Variants in IL1RAPL1 observed in about 807,000 individuals in gnomAD.
The protein encoded by IL1RAPL1 is interleukin-1 receptor accessory protein-like 1.
In IL1RAPL1, 3 loss-of-function variants were observed where a neutral mutation model predicts 48.4. That is an observed-to-expected ratio of 0.06 (90% CI 0.03 to 0.16). The LOEUF (loss-of-function observed/expected upper bound fraction) is 0.16. Ranked by LOEUF, IL1RAPL1 falls within the 10% of genes least tolerant of loss-of-function variation. The pLI, the probability that IL1RAPL1 is intolerant of heterozygous loss-of-function variation, is 1.00. For synonymous variants in IL1RAPL1, 185 were observed against 187.7 expected (o/e 0.99, Z 0.12); for missense variants, 349 against 530.6 (o/e 0.66, Z 3.36).
chrX:29,101,203 C>T (rs1238203542), intron 2 of IL1RAPL1, among the ~76,000 whole-genome samples: 1 of 111,797 alleles, frequency 8.9e-6, no homozygotes, highest in Non-Finnish European at 1.9e-5. Context: ...TTCAAATGAC[C>T]ATTAGAGGCT....
intron 2 of IL1RAPL1, among the ~76,000 whole-genome samples, chrX:29,060,476 T>G (rs909635692): frequency 1.8e-5 from 2 of 112,039 alleles, no homozygotes; most frequent in African/African-American, 6.5e-5. Context: ...AGGAAGGCTT[T>G]TGTTAGAATT....
intron 2 of IL1RAPL1, among the ~76,000 whole-genome samples, chrX:29,125,947 T>C (rs769052517): frequency 2.8e-5 from 3 of 108,662 alleles, no homozygotes; most frequent in Admixed American, 1.0e-4. Context: ...TTTTGGAAAG[T>C]CACAACATAA....
At chrX:29,219,922 A>G (rs964788188) in intron 2 of IL1RAPL1, among the ~76,000 whole-genome samples, 18 of 109,890 alleles carry the variant, frequency 1.6e-4, no homozygotes, top group Non-Finnish European at 2.3e-4. Context: ...GAAGGCCACC[A>G]TTAACTCAAT....
chrX:28,946,279 TTTAC>T (rs536606961), intron 2 of IL1RAPL1, among the ~76,000 whole-genome samples: 169 of 110,937 alleles, frequency 1.5e-3, no homozygotes, highest in African/African-American at 5.1e-3. Flanking sequence ...AATCATTTAT[TTTAC>T]TTCATTTAAT....
chrX:29,054,846 A>T (rs1927176938), intron 2 of IL1RAPL1, among the ~76,000 whole-genome samples: 1 of 111,883 alleles, frequency 8.9e-6, no homozygotes, highest in African/African-American at 3.2e-5. Context: ...GCAGGAATGT[A>T]TCTGTTCCTT....
At chrX:28,916,215 C>G (rs1923486905) in intron 2 of IL1RAPL1, among the ~76,000 whole-genome samples, 1 of 110,525 alleles carries the variant, frequency 9.0e-6, no homozygotes, top group Admixed American at 9.7e-5. Context: ...TAGCCTACAC[C>G]TTGGCCCCCA....
chrX:28,597,889 G>T (rs1051179960), intron 1 of IL1RAPL1, among the ~76,000 whole-genome samples: 4 of 107,877 alleles, frequency 3.7e-5, no homozygotes, highest in Non-Finnish European at 5.7e-5. Context: ...GTATTAGAAA[G>T]TTGCCACACA....
intron 5 of IL1RAPL1, among the ~76,000 whole-genome samples, chrX:29,603,487 A>T (rs1923792711): frequency 9.0e-6 from 1 of 111,481 alleles, no homozygotes; most frequent in African/African-American, 3.3e-5. Flanking sequence ...CAACATACGG[A>T]TTTGTTTGTT....
intron 2 of IL1RAPL1, among the ~76,000 whole-genome samples, chrX:28,833,792 C>T (rs779587739): frequency 1.5e-4 from 17 of 111,468 alleles, no homozygotes; most frequent in Admixed American, 2.9e-4. Flanking sequence ...GCCTTTTCCC[C>T]GATATTTCAT....
At position 29,955,895 on chromosome X, in the gene IL1RAPL1, G is replaced by A. The variant is rs989577494; in HGVS notation, c.*75G>A. 7 of 759,828 alleles carry A rather than the reference G, an allele frequency of 9.2e-6. No individual in the cohort carries two copies. Among genetic ancestry groups the A allele is most frequent in the Non-Finnish European group, 1.4e-5 (7 of 489,941 alleles). 62.6% of individuals were successfully genotyped at this position (759,828 alleles called of 1,213,427 possible). ...GTCCAGTGCCTGGAACTAAATCCTC[G>A]ACTGCTGCTGTTAAAAAACATGCAT... On this transcript the variant is annotated 3_prime_UTR_variant, in exon 11 of 11. Transcript: ENST00000378993.
At chrX:29,451,605 T>C (rs1934680730) in intron 5 of IL1RAPL1, among the ~76,000 whole-genome samples, 1 of 111,784 alleles carries the variant, frequency 8.9e-6, no homozygotes, top group Non-Finnish European at 1.9e-5. Context: ...ATTTGTTCTC[T>C]CTCTCTGTCT....
chrX:29,880,966 A>G (rs1932016378), intron 6 of IL1RAPL1, among the ~76,000 whole-genome samples: 1 of 111,548 alleles, frequency 9.0e-6, no homozygotes, highest in South Asian at 3.8e-4. Flanking sequence ...CGCCAACCAC[A>G]TTCAAAAATA....
In IL1RAPL1 at chrX:28,768,830, A is replaced by G. The variant is rs1384364553; in HGVS notation, c.-24-20490A>G. Among the ~76,000 whole-genome samples the G allele has an allele frequency of 1.4e-3, 53 of 37,943 alleles. 1 individual carries two copies. The highest frequency in any genetic ancestry group is 5.8e-3 in the African/African-American group (47 of 8,152). The allele number at this position is 37,943 out of a possible 115,157, so 32.9% of individuals were successfully genotyped here. A position where few individuals can be genotyped will look rare whatever the true frequency, so the allele number is the denominator to read the frequency against. On this transcript the variant is annotated intron_variant, in intron 1 of 10. Transcript: ENST00000378993. ...ATATATATAATGTGTGTGTGTATAT[A>G]TATATATATATATATATATATGGCA...
rs1367356254 is a variant in IL1RAPL1, at chrX:29,930,490, C to A, written c.1057+10396C>A. Among the ~76,000 whole-genome samples, 6 of 111,547 alleles carry A rather than the reference C, an allele frequency of 5.4e-5. No homozygotes were observed. In the East Asian group the frequency reaches 1.7e-3, roughly 31 times the overall value. On this transcript the variant is annotated intron_variant, in intron 8 of 10. Transcript: ENST00000378993. ...ACCTATGTTAAGGCTACATGAAAAC[C>A]TAATACATTAGAAAGAGATGCATTA... is the stretch of plus-strand genomic sequence containing the variant.
At chrX:28,767,992 T>C (rs1168024878) in intron 1 of IL1RAPL1, among the ~76,000 whole-genome samples, 2 of 111,539 alleles carry the variant, frequency 1.8e-5, no homozygotes, top group Non-Finnish European at 3.8e-5. Flanking sequence ...GTCTGTTAAA[T>C]TGAAAATCTT....
intron 3 of IL1RAPL1, among the ~76,000 whole-genome samples, chrX:29,378,634 A>G (rs1933654206): frequency 8.9e-6 from 1 of 112,137 alleles, no homozygotes; most frequent in African/African-American, 3.2e-5. Flanking sequence ...AGGAGGATAT[A>G]TTAGCAAAAT....
At chrX:29,865,803 AT>A (rs1161090848) in intron 6 of IL1RAPL1, among the ~76,000 whole-genome samples, 1,492 of 86,235 alleles carry the variant, frequency 0.017, 23 homozygotes, top group African/African-American at 0.041. Flanking sequence ...CGCCTGGCTA[AT>A]TTTTTTTTTT....
chrX:29,699,283 G>T (rs761473137), intron 6 of IL1RAPL1, among the ~76,000 whole-genome samples: 1 of 112,094 alleles, frequency 8.9e-6, no homozygotes, highest in African/African-American at 3.2e-5. Context: ...TGTTTATTTT[G>T]CTTTGTTATT....
chrX:29,827,162 TC>T (rs1264796556), intron 6 of IL1RAPL1, among the ~76,000 whole-genome samples: 1 of 112,076 alleles, frequency 8.9e-6, no homozygotes, highest in Non-Finnish European at 1.9e-5. Flanking sequence ...TGTAACAAGC[TC>T]CCAGGAGATG....
Sources: allele counts gnomAD v4.1 joint callset (sites outside exome capture counted in the v4.1 genomes callset), GRCh38; gene constraint gnomAD v4.1.1; transcripts MANE v1.5; gene names NCBI Gene and HGNC (gene_info 2026-07-23, HGNC 2026-07-21).